Variants in ASTN1 observed in about 807,000 individuals in gnomAD.
The protein encoded by ASTN1 is astrotactin 1.
ASTN1 carries 41 observed loss-of-function variants against 140.7 expected under a neutral mutation model. The ratio of observed to expected loss-of-function variants is 0.29; its 90% CI spans 0.23 to 0.38. The LOEUF is 0.38. Among genes scored for constraint, ASTN1 ranks in the 10% least tolerant of loss-of-function variants. ASTN1 has a pLI of 1.00. For missense variants in ASTN1, 1,479 were observed against 1,678.8 expected (o/e 0.88, Z 2.08); for synonymous variants, 640 against 652.2 (o/e 0.98, Z 0.29).
chr1:176,866,308 A>G (rs1221560926), intron 22 of ASTN1, among the ~76,000 whole-genome samples: 2 of 152,140 alleles, frequency 1.3e-5, no homozygotes, highest in African/African-American at 4.8e-5. Context: ...ATTTTCTCCA[A>G]CTTCAATGGT....
chr1:176,876,526 A>G lies in ASTN1; in HGVS notation c.3463+11T>C. ...CCCTTCAGAAACACTGCTAACTTCGATGTCTCTTACCTTGAGCCTTGACAT... is the reference window on the plus strand; with the variant it reads ...CCCTTCAGAAACACTGCTAACTTCGGTGTCTCTTACCTTGAGCCTTGACAT... On this transcript the variant is annotated intron_variant, in intron 21 of 22. Coordinates refer to ENST00000361833, the MANE Select transcript of ASTN1 (RefSeq NM_004319.3). 6.2e-7 allele frequency: 1 copy of G among 1,613,902 alleles called. No individual in the cohort carries two copies. Among genetic ancestry groups the G allele is most frequent in the Non-Finnish European group, 8.5e-7 (1 of 1,179,808 alleles).
At chr1:177,025,984 G>A (rs1184222174) in intron 5 of ASTN1, among the ~76,000 whole-genome samples, 1 of 152,176 alleles carries the variant, frequency 6.6e-6, no homozygotes, top group African/African-American at 2.4e-5. Flanking sequence ...AGATAAAAAT[G>A]CAGATCCAGG....
chr1:177,135,311 T>C (rs1337540101), intron 1 of ASTN1, among the ~76,000 whole-genome samples: 1 of 151,740 alleles, frequency 6.6e-6, no homozygotes, highest in Non-Finnish European at 1.5e-5. Context: ...ACACTCACCA[T>C]ATGAAGACAG....
chr1:177,051,674 T>C (rs566030984), intron 2 of ASTN1, among the ~76,000 whole-genome samples: 1 of 152,282 alleles, frequency 6.6e-6, no homozygotes, highest in East Asian at 1.9e-4. Flanking sequence ...CTCGGGTCTG[T>C]GAGACAGACC....
intron 11 of ASTN1, among the ~76,000 whole-genome samples, chr1:176,954,060 G>A (rs1672303805): frequency 6.6e-6 from 1 of 152,170 alleles, no homozygotes; most frequent in South Asian, 2.1e-4. Flanking sequence ...GAGCAGGGAG[G>A]CTGAAGTCCT....
intron 8 of ASTN1, among the ~76,000 whole-genome samples, chr1:177,007,151 T>C (rs1437417848): frequency 1.3e-5 from 2 of 152,108 alleles, no homozygotes; most frequent in South Asian, 4.1e-4. Context: ...TCAGCCACTT[T>C]GGGAGGCTGA....
At position 176,861,250 on chromosome 1, in the gene ASTN1, A is replaced by C. The variant is rs1440226530; in HGVS notation, c.*3034T>G. 20 of 983,472 alleles carry C rather than the reference A, an allele frequency of 2.0e-5. No homozygotes were observed. Among genetic ancestry groups the C allele is most frequent in the Non-Finnish European group, 2.4e-5 (20 of 827,874 alleles). The allele number at this position is 983,472 out of a possible 1,614,324, so 60.9% of individuals were successfully genotyped here. A position where few individuals can be genotyped will look rare whatever the true frequency, so the allele number is the denominator to read the frequency against. ...TTTTTAATAGAACATTTGAATATCA[A>C]GAAGTGTAGTTAACTAAAAAATAAT... On this transcript the variant is annotated 3_prime_UTR_variant, in exon 23 of 23. Coordinates refer to ENST00000361833, the MANE Select transcript of ASTN1 (RefSeq NM_004319.3).
chr1:177,017,192 C>T (rs1409676624), intron 7 of ASTN1, among the ~76,000 whole-genome samples: 1 of 152,216 alleles, frequency 6.6e-6, no homozygotes, highest in Non-Finnish European at 1.5e-5. Context: ...CCTTATGAGG[C>T]TTCCGTCACT....
In ASTN1 at chr1:176,975,069, G is replaced by C. The variant is rs559132365; in HGVS notation, c.1524-9832C>G. Reference sequence around the variant, plus strand: ...GGCAGAGTTCATCTGTCCCCACATGGGAGAAGCTTAGCCCAGAGAACTGTA... The same window carrying C: ...GGCAGAGTTCATCTGTCCCCACATGCGAGAAGCTTAGCCCAGAGAACTGTA... On this transcript the variant is annotated intron_variant, in intron 8 of 22. Coordinates refer to ENST00000361833, the MANE Select transcript of ASTN1 (RefSeq NM_004319.3). Among the ~76,000 whole-genome samples, 7 of 152,304 alleles carry C rather than the reference G, an allele frequency of 4.6e-5. No individual in the cohort carries two copies. In the South Asian group the frequency reaches 1.2e-3, roughly 27 times the overall value.
chr1:176,935,747 TTC>T (rs1057057802), intron 15 of ASTN1, among the ~76,000 whole-genome samples: 2 of 151,592 alleles, frequency 1.3e-5, no homozygotes, highest in Admixed American at 1.3e-4. Flanking sequence ...TAATATCTAT[TTC>T]TCTCTCTCTC....
At chr1:176,974,387 A>G (rs942229633) in intron 8 of ASTN1, among the ~76,000 whole-genome samples, 3 of 143,952 alleles carry the variant, frequency 2.1e-5, no homozygotes, top group Admixed American at 7.0e-5. Flanking sequence ...GTTGAAAAGA[A>G]TTTTTTTTTT....
rs200200255 is a variant in ASTN1 at position 176,884,359 on chromosome 1, T to G, written c.3206A>C (p.Asp1069Ala). The G allele has an allele frequency of 4.3e-6, 7 of 1,614,006 alleles. No homozygotes were observed. The highest frequency in any genetic ancestry group is 5.9e-6 in the Non-Finnish European group (7 of 1,179,998). Reference sequence around the variant, plus strand: ...CTCACCTGTCTCCACTTTGGAGTGGTCCATCCTGTCAGTGACTTTCTCTTG... The same window carrying G: ...CTCACCTGTCTCCACTTTGGAGTGGGCCATCCTGTCAGTGACTTTCTCTTG... ...LRQEKVTDRMDHSKVETETVL... is the reference protein window; with the variant it reads ...LRQEKVTDRMAHSKVETETVL... Residue 1069 changes from aspartate to alanine, a missense_variant, in exon 19 of 23, where the codon GAC becomes GCC. This residue lies in a region of ASTN1 where 746 missense variants were observed against 800.9 expected (regional missense o/e 0.93). Transcript: ENST00000361833.
chr1:176,924,954 T>C (rs887195411), intron 16 of ASTN1, among the ~76,000 whole-genome samples: 4 of 152,198 alleles, frequency 2.6e-5, no homozygotes, highest in African/African-American at 9.6e-5. Flanking sequence ...TTTCCTGAGA[T>C]AGTAAGATTA....
At chr1:176,891,042 A>G (rs1669239614) in intron 17 of ASTN1, among the ~76,000 whole-genome samples, 1 of 152,112 alleles carries the variant, frequency 6.6e-6, no homozygotes, top group South Asian at 2.1e-4. Context: ...ACAAAAATTA[A>G]AATTAAAAAA....
intron 1 of ASTN1, among the ~76,000 whole-genome samples, chr1:177,070,459 A>G (rs1176234430): frequency 1.3e-5 from 2 of 152,214 alleles, no homozygotes; most frequent in Admixed American, 6.5e-5. Context: ...TCACCTGTAA[A>G]TGAGTTACAA....
intron 8 of ASTN1, among the ~76,000 whole-genome samples, chr1:176,991,413 CAA>C (rs1200261285): frequency 5.5e-5 from 6 of 109,522 alleles, no homozygotes; most frequent in African/African-American, 1.3e-4. Context: ...AACTCTGTCT[CAA>C]AAAAAAAAAA....
rs773379805 is a variant in ASTN1 at position 176,934,298 on chromosome 1, C to T, written c.2525G>A (p.Arg842His). ...GTCCAACAGCGCCACAAAATCTGCACGAGATGTAGCCCCATCCAGCGAGTG... is the reference window on the plus strand; with the variant it reads ...GTCCAACAGCGCCACAAAATCTGCATGAGATGTAGCCCCATCCAGCGAGTG... ...ALHSLDGATS[R>H]ADFVALLDQF... The change falls in exon 16 of 23, where the codon CGT becomes CAT. Residue 842 changes from arginine to histidine, a missense_variant. Coordinates refer to ENST00000361833, the MANE Select transcript of ASTN1 (RefSeq NM_004319.3). 13 of 1,613,734 alleles carry T rather than the reference C, an allele frequency of 8.1e-6. No homozygotes were observed. The highest frequency in any genetic ancestry group is 3.3e-5 in the Admixed American group (2 of 59,994).
At chr1:176,928,130 T>C (rs563961284) in intron 16 of ASTN1, among the ~76,000 whole-genome samples, 52 of 151,408 alleles carry the variant, frequency 3.4e-4, no homozygotes, top group African/African-American at 1.3e-3. Flanking sequence ...AATATATATG[T>C]ATTTATAATT....
intron 21 of ASTN1, 54 bp downstream of exon 21, chr1:176,876,483 G>T: frequency 1.3e-6 from 2 of 1,571,894 alleles, no homozygotes; most frequent in Middle Eastern, 3.3e-4. Flanking sequence ...CATAGCAAGT[G>T]GTGGGTACCT....
Sources: gnomAD v4.1 joint callset for allele counts (sites outside exome capture counted in the v4.1 genomes callset) on GRCh38, gnomAD v4.1.1 for gene constraint, gnomAD v4.1.1 regional missense constraint, MANE v1.5 for transcripts, NCBI Gene and HGNC (gene_info 2026-07-23, HGNC 2026-07-21) for gene names.